The following FBN1 variants were observed in gnomAD, a reference collection of about 807,000 sequenced individuals.
FBN1 encodes fibrillin-1.
FBN1 carries 29 observed loss-of-function variants against 365.1 expected under a neutral mutation model. The observed-to-expected ratio is 0.08, with a 90% CI of 0.06 to 0.11. The LOEUF (loss-of-function observed/expected upper bound fraction) is 0.11. FBN1 is among the 10% of genes least tolerant of loss of function. FBN1 has a pLI of 1.00. For missense variants in FBN1, 2,476 were observed against 3,703.2 expected, an observed-to-expected ratio of 0.67 and a Z score of 8.60; for synonymous variants, 1,210 against 1,270.5, an observed-to-expected ratio of 0.95 and a Z score of 1.01.
intron 6 of FBN1, among the ~76,000 whole-genome samples, chr15:48,568,546 C>T (rs1176532859): frequency 1.3e-5 from 2 of 151,838 alleles, no homozygotes; most frequent in African/African-American, 2.4e-5. Context: ...CCCAGAGTAG[C>T]CAAAACAATT....
At chr15:48,600,363 T>C (rs2044552742) in intron 4 of FBN1, 129 bp from the exon 5 acceptor site, 1 of 728,516 alleles carries the variant, frequency 1.4e-6, no homozygotes, top group Admixed American at 2.0e-5. Flanking sequence ...TATTTTTACC[T>C]GATAATGACC....
At chr15:48,540,882 C>T (rs2044052821) in intron 6 of FBN1, among the ~76,000 whole-genome samples, 1 of 152,158 alleles carries the variant, frequency 6.6e-6, no homozygotes. Flanking sequence ...ATCCTCTCTT[C>T]AACACTGTTG....
At chr15:48,536,658 G>A (rs1489808999) in intron 7 of FBN1, among the ~76,000 whole-genome samples, 1 of 152,210 alleles carries the variant, frequency 6.6e-6, no homozygotes, top group Non-Finnish European at 1.5e-5. Flanking sequence ...ATCCAAAGGA[G>A]CTGTATGTTG....
At chr15:48,454,741 C>T (rs1025703507) in intron 44 of FBN1, among the ~76,000 whole-genome samples, 5 of 152,298 alleles carry the variant, frequency 3.3e-5, no homozygotes, top group East Asian at 1.9e-4. Flanking sequence ...GCCTCTTGGG[C>T]GTGATTCTGT....
intron 6 of FBN1, among the ~76,000 whole-genome samples, chr15:48,539,310 C>A (rs2044038547): frequency 6.6e-6 from 1 of 152,096 alleles, no homozygotes; most frequent in Non-Finnish European, 1.5e-5. Flanking sequence ...CTGAAGAATT[C>A]CAAAAACAAA....
intron 64 of FBN1, among the ~76,000 whole-genome samples, chr15:48,415,200 T>C (rs1418662960): frequency 2.0e-5 from 3 of 152,148 alleles, no homozygotes; most frequent in African/African-American, 7.2e-5. Context: ...GTGTGCAGGG[T>C]GAGCCCAGTT....
chr15:48,620,774 G>A (rs561860651), intron 2 of FBN1, among the ~76,000 whole-genome samples: 165 of 152,264 alleles, frequency 1.1e-3, no homozygotes, highest in African/African-American at 3.9e-3. Flanking sequence ...TGTTAGATAA[G>A]AAATAAAACT....
chr15:48,415,403 T>G lies in FBN1; in HGVS notation c.8051+133A>C, dbSNP rs144604088. On this transcript the variant is annotated intron_variant, in intron 64 of 65. Transcript: ENST00000316623. Reference sequence around the variant, plus strand: ...AAATAACCTAAAACTTTTGCCAAGCTAACTGGAATTAATTTTAGGATTACA... The same window carrying G: ...AAATAACCTAAAACTTTTGCCAAGCGAACTGGAATTAATTTTAGGATTACA... 5.0e-4 allele frequency: 375 copies of G among 750,870 alleles called. 2 individuals are homozygous for G. Among genetic ancestry groups the G allele is most frequent in the Middle Eastern group, 2.2e-3 (9 of 4,052 alleles). 46.5% of individuals were successfully genotyped at this position (750,870 alleles called of 1,614,324 possible). A position where few individuals can be genotyped will look rare whatever the true frequency, so the allele number is the denominator to read the frequency against.
At chr15:48,610,919 G>C in intron 3 of FBN1, 93 bp from the exon 4 acceptor site, 1 of 1,011,202 alleles carries the variant, frequency 9.9e-7, no homozygotes, top group Non-Finnish European at 1.5e-6. Flanking sequence ...TGGGTTCTCA[G>C]GTCCCTCACA....
intron 25 of FBN1, among the ~76,000 whole-genome samples, chr15:48,489,200 ATTTTTTTTTTTTT>A (rs756179079): frequency 3.7e-4 from 18 of 48,418 alleles, no homozygotes; most frequent in Non-Finnish European, 5.4e-4. Context: ...ATGCCTAGAT[ATTTTTTTTTTTTT>A]TTTTTTTTTT....
chr15:48,482,091 A>C (rs11634866), intron 31 of FBN1, among the ~76,000 whole-genome samples: 2 of 151,978 alleles, frequency 1.3e-5, no homozygotes, highest in East Asian at 3.9e-4. Flanking sequence ...AGCATACTCT[A>C]TTGCAGGATG....
intron 8 of FBN1, among the ~76,000 whole-genome samples, chr15:48,526,972 C>A (rs1158728446): frequency 6.6e-6 from 1 of 152,190 alleles, no homozygotes. Context: ...CCCAGGCACC[C>A]GACACCCAAT....
intron 5 of FBN1, 76 bp downstream of exon 5, chr15:48,600,063 T>C (rs1206013038): frequency 5.6e-6 from 6 of 1,071,344 alleles, no homozygotes; most frequent in South Asian, 2.5e-5. Flanking sequence ...AGAAAATCCA[T>C]CAGCACTTAT....
intron 53 of FBN1, among the ~76,000 whole-genome samples, chr15:48,436,039 G>A (rs958165960): frequency 1.3e-5 from 2 of 152,016 alleles, no homozygotes; most frequent in African/African-American, 2.4e-5. Context: ...GCTCCTAGGC[G>A]AAGAGGCTCA....
At chr15:48,497,889 T>G (rs1309886260) in intron 18 of FBN1, among the ~76,000 whole-genome samples, 1 of 152,238 alleles carries the variant, frequency 6.6e-6, no homozygotes, top group Non-Finnish European at 1.5e-5. Context: ...ATATAAATTC[T>G]TTGTTTACTT....
At chr15:48,502,120 C>T (rs145375021) in intron 17 of FBN1, among the ~76,000 whole-genome samples, 1 of 152,308 alleles carries the variant, frequency 6.6e-6, no homozygotes, top group African/African-American at 2.4e-5. Context: ...CCTCCACCTC[C>T]TGGATTCAAG....
intron 31 of FBN1, 150 bp downstream of exon 31, chr15:48,483,668 G>T: frequency 1.2e-6 from 1 of 861,632 alleles, no homozygotes; most frequent in Non-Finnish European, 1.8e-6. Flanking sequence ...GCTCTCTTTG[G>T]AATGCTGGTT....
rs370868650 is a variant in FBN1 at position 48,557,732 on chromosome 15, G to C, written c.539-19924C>G. On this transcript the variant is annotated intron_variant, in intron 6 of 65. Transcript: ENST00000316623. ...AAAGGATGACTGGGTGTTCCTCTAG[G>C]GCATCTTTTCCACAGTAGGGCTCTC... is the stretch of plus-strand genomic sequence containing the variant. Among the ~76,000 whole-genome samples, 4 of 152,246 alleles carry C rather than the reference G, an allele frequency of 2.6e-5. No homozygotes were observed. In the East Asian group the frequency reaches 7.7e-4, roughly 29 times the overall value.
At chr15:48,522,100 G>A (rs11634611) in intron 9 of FBN1, among the ~76,000 whole-genome samples, 24,393 of 152,142 alleles carry the variant, frequency 0.16, 2,918 homozygotes, top group African/African-American at 0.34. Context: ...TAGGTTGTGT[G>A]TTCCCAATGA....
Sources: gnomAD v4.1 joint callset for allele counts (sites outside exome capture counted in the v4.1 genomes callset) on GRCh38, gnomAD v4.1.1 for gene constraint, MANE v1.5 for transcripts, NCBI Gene and HGNC (gene_info 2026-07-23, HGNC 2026-07-21) for gene names.